The following GABBR2 variants were observed in gnomAD, a reference collection of about 807,000 sequenced individuals.
GABBR2 encodes the protein G-protein coupled receptor 51.
Under a neutral mutation model 105.6 loss-of-function variants are expected in GABBR2, and 23 were observed. The observed-to-expected ratio is 0.22, with a 90% confidence interval of 0.16 to 0.31. The LOEUF is 0.31. GABBR2 is among the 10% of genes least tolerant of loss of function. The probability of loss-of-function intolerance (pLI) is 1.00; values close to 1 mark genes in which losing one functional copy is unlikely to be tolerated. For synonymous variants in GABBR2, 478 were observed against 499.7 expected (o/e 0.96, Z 0.58); for missense variants, 734 against 1,245.5 (o/e 0.59, Z 6.18).
chr9:98,317,008 G>T (rs948151547), intron 13 of GABBR2, among the ~76,000 whole-genome samples: 1 of 152,200 alleles, frequency 6.6e-6, no homozygotes, highest in Non-Finnish European at 1.5e-5. Context: ...CAAATCGGAG[G>T]AGACAGTGGG....
At chr9:98,436,996 G>C (rs1461950835) in intron 7 of GABBR2, among the ~76,000 whole-genome samples, 1 of 152,094 alleles carries the variant, frequency 6.6e-6, no homozygotes, top group African/African-American at 2.4e-5. Flanking sequence ...AGAGTAACTG[G>C]GTAGAGGACA....
chr9:98,468,210 C>A (rs1031343950), intron 6 of GABBR2, among the ~76,000 whole-genome samples: 7 of 152,188 alleles, frequency 4.6e-5, no homozygotes, highest in African/African-American at 1.7e-4. Context: ...CCTTGCTATT[C>A]CTCCTACCAG....
intron 18 of GABBR2, 130 bp from the exon 19 acceptor site, chr9:98,290,879 A>G (rs1348154056): frequency 1.8e-5 from 9 of 512,706 alleles, no homozygotes; most frequent in Admixed American, 1.3e-4. Context: ...AGATCTGTCC[A>G]TCCAATCATC....
intron 7 of GABBR2, among the ~76,000 whole-genome samples, chr9:98,437,923 T>C (rs144119903): frequency 2.7e-5 from 4 of 150,762 alleles, no homozygotes; most frequent in Admixed American, 1.3e-4. Flanking sequence ...CACATACCCA[T>C]CCATCCATCT....
chr9:98,606,651 T>C (rs1176314606), intron 1 of GABBR2, among the ~76,000 whole-genome samples: 1 of 151,906 alleles, frequency 6.6e-6, no homozygotes, highest in African/African-American at 2.4e-5. Flanking sequence ...CGGTCGATTT[T>C]GTATTTTTAG....
rs1011471477 is a variant in GABBR2, at chr9:98,538,461, C to T, written c.630+3412G>A. On this transcript the variant is annotated intron_variant, in intron 3 of 18. Transcript: ENST00000259455. ...TGGGAAAGTGAATTGCCTGGGGTCACGCAGCCATGCTTGGCCAAAGTGGGC... is the reference window on the plus strand; with the variant it reads ...TGGGAAAGTGAATTGCCTGGGGTCATGCAGCCATGCTTGGCCAAAGTGGGC... 5.5e-5 allele frequency: 10 copies of T among 180,652 alleles called. No homozygotes were observed. The East Asian group carries it at 1.1e-3, about 20-fold the overall frequency. 11.2% of individuals were successfully genotyped at this position (180,652 alleles called of 1,614,324 possible). A position where few individuals can be genotyped will look rare whatever the true frequency, so the allele number is the denominator to read the frequency against.
At chr9:98,558,872 A>C (rs1828627320) in intron 2 of GABBR2, among the ~76,000 whole-genome samples, 1 of 152,244 alleles carries the variant, frequency 6.6e-6, no homozygotes, top group South Asian at 2.1e-4. Context: ...ATCTCCAGGG[A>C]TCTCAATAGT....
Position 98,439,254 on chromosome 9 carries a change from T to C in GABBR2, c.1236+14727A>G, listed in dbSNP as rs530979597. ...TCCTTCTTGGGCACCTGTTGCTCTATTGGAAAAGCTGCCATTGCTGCCAGG... is the reference window on the plus strand; with the variant it reads ...TCCTTCTTGGGCACCTGTTGCTCTACTGGAAAAGCTGCCATTGCTGCCAGG... On this transcript the variant is annotated intron_variant, in intron 7 of 18. Transcript: ENST00000259455. 5.3e-5 allele frequency among the ~76,000 whole-genome samples: 8 copies of C among 152,322 alleles called. No individual in the cohort carries two copies. In the East Asian group the frequency reaches 1.2e-3, roughly 22 times the overall value.
intron 13 of GABBR2, among the ~76,000 whole-genome samples, chr9:98,357,235 T>C (rs1324168523): frequency 6.6e-6 from 1 of 152,116 alleles, no homozygotes; most frequent in East Asian, 1.9e-4. Context: ...TAACAGGAAA[T>C]TGTGGGGGTG....
intron 4 of GABBR2, among the ~76,000 whole-genome samples, chr9:98,488,398 A>G (rs1156367390): frequency 6.6e-6 from 1 of 152,158 alleles, no homozygotes; most frequent in Non-Finnish European, 1.5e-5. Context: ...AGGCATAAGG[A>G]TCCCCACTAA....
rs536284015 is a variant in GABBR2, at chr9:98,443,333, G to T, written c.1236+10648C>A. On this transcript the variant is annotated intron_variant, in intron 7 of 18. Transcript: ENST00000259455. ...TTAAGGAAATAGCTATTTTTTCCCT[G>T]ACTTGATGAAGTCAAACTTGCAAGC... is the stretch of plus-strand genomic sequence containing the variant. 3.3e-5 allele frequency among the ~76,000 whole-genome samples: 5 copies of T among 152,204 alleles called. No homozygotes were observed. In the East Asian group the frequency reaches 9.6e-4, roughly 29 times the overall value.
At chr9:98,342,144 G>A (rs1461341691) in intron 13 of GABBR2, among the ~76,000 whole-genome samples, 1 of 152,104 alleles carries the variant, frequency 6.6e-6, no homozygotes, top group Non-Finnish European at 1.5e-5. Context: ...CAGGACACAG[G>A]TGTCCATCCA....
At chr9:98,399,107 G>A (rs1832344507) in intron 8 of GABBR2, among the ~76,000 whole-genome samples, 1 of 152,074 alleles carries the variant, frequency 6.6e-6, no homozygotes, top group African/African-American at 2.4e-5. Flanking sequence ...TGTAATCCCA[G>A]CACTTTGGGA....
intron 11 of GABBR2, among the ~76,000 whole-genome samples, chr9:98,383,465 G>T (rs1832015826): frequency 6.6e-6 from 1 of 152,204 alleles, no homozygotes; most frequent in Non-Finnish European, 1.5e-5. Context: ...CCAGTGCCAG[G>T]CTTGGAGTGA....
chr9:98,474,071 T>C (rs1274858169), intron 5 of GABBR2, among the ~76,000 whole-genome samples: 2 of 152,180 alleles, frequency 1.3e-5, no homozygotes, highest in Admixed American at 6.5e-5. Context: ...AAAATTCCCT[T>C]ACATTTTTAT....
At chr9:98,495,282 G>C (rs898695770) in intron 4 of GABBR2, among the ~76,000 whole-genome samples, 1 of 152,248 alleles carries the variant, frequency 6.6e-6, no homozygotes, top group Non-Finnish European at 1.5e-5. Context: ...TCTGTGAACT[G>C]GAGGATTTAG....
At chr9:98,473,383 T>C (rs1278928163) in intron 5 of GABBR2, 37 bp from the exon 6 acceptor site, 1 of 1,405,264 alleles carries the variant, frequency 7.1e-7, no homozygotes, top group East Asian at 2.3e-5. Context: ...GCATTGAGAG[T>C]CGCACAGTTC....
intron 13 of GABBR2, among the ~76,000 whole-genome samples, chr9:98,361,179 A>G (rs538784343): frequency 3.9e-5 from 6 of 152,300 alleles, no homozygotes; most frequent in Admixed American, 6.5e-5. Context: ...GTTGAAAGGC[A>G]GGGTTAGGCA....
rs79070391 is a variant in GABBR2 at position 98,421,952 on chromosome 9, G to A, written c.1237-15811C>T. 3.5e-3 allele frequency among the ~76,000 whole-genome samples: 527 copies of A among 152,258 alleles called. 5 individuals carry two copies. The highest frequency in any genetic ancestry group is 0.028 in the East Asian group (146 of 5,188). On this transcript the variant is annotated intron_variant, in intron 7 of 18. Coordinates refer to ENST00000259455, the MANE Select transcript of GABBR2 (RefSeq NM_005458.8). ...AAACAAAACTTCCAAAGCACAAACC[G>A]TTAGCCCAAAAACTGATTAATTTGA...
Sources: gnomAD v4.1 joint callset for allele counts (sites outside exome capture counted in the v4.1 genomes callset) on GRCh38, gnomAD v4.1.1 for gene constraint, MANE v1.5 for transcripts, NCBI Gene and HGNC (gene_info 2026-07-23, HGNC 2026-07-21) for gene names.